The following ABHD12 variants were observed in gnomAD, a reference collection of about 807,000 sequenced individuals.
ABHD12 encodes the protein abhydrolase domain containing 12, lysophospholipase, also known as lysophosphatidylserine lipase ABHD12.
In ABHD12, 43 loss-of-function variants were observed where a neutral mutation model predicts 58.3. The observed-to-expected ratio is 0.74, with a 90% CI of 0.58 to 0.95. The LOEUF (loss-of-function observed/expected upper bound fraction) is 0.95. ABHD12 is among the 40% of genes least tolerant of loss of function. The pLI is 0.00. For missense variants in ABHD12, 539 were observed against 537.2 expected, an observed-to-expected ratio of 1.00 and a Z score of -0.03; for synonymous variants, 219 against 211.2, an observed-to-expected ratio of 1.04 and a Z score of -0.32.
chr20:25,308,036 G>T lies in ABHD12; in HGVS notation c.797C>A (p.Pro266Gln). 1 of 1,601,544 alleles carries T rather than the reference G, an allele frequency of 6.2e-7. No homozygotes were observed. Among genetic ancestry groups the T allele is most frequent in the Non-Finnish European group, 8.6e-7 (1 of 1,168,480 alleles). Residue 266 changes from proline (P) to glutamine (Q), a missense_variant, in exon 9 of 13, where the codon CCA becomes CAA. By Grantham distance (76) the Pro-to-Gln change is moderately conservative. Transcript: ENST00000339157. ...VRRLCERETP[P>Q]DALILESPFT... ...TGGAGATTCCAATATAAGGGCATCT[G>T]GAGGCGTCTCTAGATAAACAAACAG...
At chr20:25,296,311 G>A, downstream of ABHD12, 6 of 1,596,926 alleles carry the variant, frequency 3.8e-6, no homozygotes, top group Non-Finnish European at 5.1e-6. Context: ...GGAATCCCAT[G>A]TTTTTAGCAG....
intron 2 of ABHD12, among the ~76,000 whole-genome samples, chr20:25,326,625 C>T (rs1482645341): frequency 6.6e-6 from 1 of 152,008 alleles, no homozygotes; most frequent in Non-Finnish European, 1.5e-5. Flanking sequence ...GCACTTTATG[C>T]AAATAATCAG....
chr20:25,310,758 G>A (rs982648299), intron 6 of ABHD12, among the ~76,000 whole-genome samples: 1 of 152,202 alleles, frequency 6.6e-6, no homozygotes, highest in Non-Finnish European at 1.5e-5. Flanking sequence ...GACAGGCACA[G>A]AGACAGGGAC....
Position 25,333,607 on chromosome 20 carries a change from C to T in ABHD12, c.316+5620G>A, listed in dbSNP as rs983888767. ...AGCAGCACATCAAAAAGCATATCCA[C>T]CATGATCAAGTGGGTTTCATCCCTG... On this transcript the variant is annotated intron_variant, in intron 2 of 12. Coordinates refer to ENST00000339157, the MANE Select transcript of ABHD12 (RefSeq NM_001042472.3). Among the ~76,000 whole-genome samples, 15 of 151,794 alleles carry T rather than the reference C, an allele frequency of 9.9e-5. 1 individual carries two copies. Among genetic ancestry groups the T allele is most frequent in the Admixed American group, 2.6e-4 (4 of 15,246 alleles).
intron 10 of ABHD12, among the ~76,000 whole-genome samples, chr20:25,304,673 T>C (rs900818098): frequency 6.6e-6 from 1 of 152,046 alleles, no homozygotes; most frequent in Admixed American, 6.5e-5. Flanking sequence ...GTTCAAGTGA[T>C]TCTCCTGCTT....
At chr20:25,315,607 C>T (rs2088946435) in intron 5 of ABHD12, among the ~76,000 whole-genome samples, 1 of 151,908 alleles carries the variant, frequency 6.6e-6, no homozygotes, top group Admixed American at 6.5e-5. Context: ...TGGGTGCTTC[C>T]CCAGGGCAGC....
intron 1 of ABHD12, among the ~76,000 whole-genome samples, chr20:25,360,237 T>TTTTTTTC: frequency 9.3e-6 from 1 of 107,412 alleles, no homozygotes; most frequent in Non-Finnish European, 1.9e-5. Flanking sequence ...CTTTTTTTTT[T>TTTTTTTC]TTTTTTTTTT....
chr20:25,316,261 G>A (rs1395747293), intron 5 of ABHD12, among the ~76,000 whole-genome samples: 1 of 152,144 alleles, frequency 6.6e-6, no homozygotes, highest in Non-Finnish European at 1.5e-5. Flanking sequence ...CCAGGTTTAA[G>A]CAATTCTCTG....
chr20:25,322,383 T>TATATATATATATATATATATATATATATA (rs1568727719), intron 3 of ABHD12, among the ~76,000 whole-genome samples: 6 of 31,574 alleles, frequency 1.9e-4, no homozygotes, highest in Non-Finnish European at 2.9e-4. Flanking sequence ...ATATATATAT[T>TATATATATATATATATATATATATATATA]TTTTTTTTTT....
chr20:25,317,612 CAT>C, intron 4 of ABHD12, among the ~76,000 whole-genome samples: 1 of 152,252 alleles, frequency 6.6e-6, no homozygotes, highest in Non-Finnish European at 1.5e-5. Context: ...CAGCCCTTCA[CAT>C]GTGTGTGCTC....
At chr20:25,362,905 T>A (rs1021038473) in intron 1 of ABHD12, among the ~76,000 whole-genome samples, 1 of 151,926 alleles carries the variant, frequency 6.6e-6, no homozygotes, top group African/African-American at 2.4e-5. Flanking sequence ...AGTCCCAACC[T>A]CAGGTGATCT....
intron 1 of ABHD12, among the ~76,000 whole-genome samples, chr20:25,342,422 C>T (rs941841690): frequency 1.3e-5 from 2 of 151,684 alleles, no homozygotes; most frequent in Non-Finnish European, 2.9e-5. Flanking sequence ...CATTTTATTG[C>T]ACTTCACTTT....
intron 1 of ABHD12, among the ~76,000 whole-genome samples, chr20:25,357,900 A>T (rs1405909540): frequency 6.6e-6 from 1 of 152,096 alleles, no homozygotes; most frequent in African/African-American, 2.4e-5. Flanking sequence ...AGTTCCAGTT[A>T]CTCAGGAAGC....
chr20:25,384,191 T>C (rs1188736675), intron 1 of ABHD12, among the ~76,000 whole-genome samples: 1 of 150,552 alleles, frequency 6.6e-6, no homozygotes, highest in Non-Finnish European at 1.5e-5. Flanking sequence ...CAGTACCTCC[T>C]CACACCAGAT....
intron 1 of ABHD12, among the ~76,000 whole-genome samples, chr20:25,345,327 C>T (rs931398213): frequency 3.3e-5 from 5 of 152,076 alleles, no homozygotes; most frequent in South Asian, 2.1e-4. Context: ...TCTCATGATC[C>T]GCCCACCTCA....
intron 1 of ABHD12, among the ~76,000 whole-genome samples, chr20:25,362,047 G>A (rs2089756558): frequency 6.6e-6 from 1 of 151,686 alleles, no homozygotes; most frequent in Admixed American, 6.6e-5. Context: ...GATCGAGGCG[G>A]GTGGATCACA....
At chr20:25,381,518 C>T (rs972707309) in intron 1 of ABHD12, among the ~76,000 whole-genome samples, 1 of 152,130 alleles carries the variant, frequency 6.6e-6, no homozygotes, top group Non-Finnish European at 1.5e-5. Context: ...TCAGGATGGA[C>T]CCTATATGCA....
intron 1 of ABHD12, among the ~76,000 whole-genome samples, chr20:25,343,351 T>A (rs1300286739): frequency 6.6e-6 from 1 of 152,194 alleles, no homozygotes; most frequent in East Asian, 1.9e-4. Flanking sequence ...TAACTTATCC[T>A]ATAAGCTCAG....
At chr20:25,353,716 G>A (rs185124004) in intron 1 of ABHD12, among the ~76,000 whole-genome samples, 2 of 152,196 alleles carry the variant, frequency 1.3e-5, no homozygotes, top group Admixed American at 6.5e-5. Context: ...AGCACCCGAG[G>A]CATAGAGAAA....
Sources: allele counts gnomAD v4.1 joint callset (sites outside exome capture counted in the v4.1 genomes callset), GRCh38; gene constraint gnomAD v4.1.1; transcripts MANE v1.5; gene names NCBI Gene and HGNC (gene_info 2026-07-23, HGNC 2026-07-21).